LNPK: variants seen among roughly 807,000 people sequenced by gnomAD.
LNPK encodes endoplasmic reticulum junction formation protein lunapark.
In LNPK, 29 loss-of-function variants were observed where a neutral mutation model predicts 55.2. The ratio of observed to expected loss-of-function variants is 0.53; its 90% CI spans 0.39 to 0.72. The LOEUF is 0.72. Among genes scored for constraint, LNPK ranks in the 30% least tolerant of loss-of-function variants. The pLI is 0.00. For synonymous variants in LNPK, 162 were observed against 168.2 expected (o/e 0.96, Z 0.29); for missense variants, 467 against 494.8 (o/e 0.94, Z 0.53).
intron 2 of LNPK, 52 bp downstream of exon 2, chr2:175,995,506 G>A (rs1177562202): frequency 7.0e-7 from 1 of 1,435,690 alleles, no homozygotes; most frequent in East Asian, 2.3e-5. Context: ...ATAGCTTTAT[G>A]TGACACTTTT....
chr2:175,935,712 T>C (rs1684511724), intron 12 of LNPK: 2 of 923,706 alleles, frequency 2.2e-6, no homozygotes, highest in Non-Finnish European at 2.6e-6. Context: ...CATTACCTTA[T>C]TGGGGTTGGG....
chr2:175,997,015 T>C (rs1687963439), intron 1 of LNPK, among the ~76,000 whole-genome samples: 1 of 152,190 alleles, frequency 6.6e-6, no homozygotes, highest in Admixed American at 6.5e-5. Flanking sequence ...TTTTTAACCA[T>C]AAACGTAAAC....
chr2:175,940,252 C>T (rs546836145), intron 9 of LNPK, among the ~76,000 whole-genome samples: 1 of 151,702 alleles, frequency 6.6e-6, no homozygotes, highest in South Asian at 2.1e-4. Flanking sequence ...AGCAGACTCT[C>T]ACAGTTGAGG....
rs748795675 is a variant in LNPK, at chr2:175,993,230, TACAA to T, written c.28-11_28-8del. ...CTACAGTTGAAGGTTTTGTCTGTTATACAAACAGAAACAAGAGACAGCATTAAAA... is the reference window on the plus strand; with the variant it reads ...CTACAGTTGAAGGTTTTGTCTGTTATACAGAAACAAGAGACAGCATTAAAA... On this transcript the variant is annotated splice_polypyrimidine_tract_variant and splice_region_variant and intron_variant, in intron 2 of 12. Transcript: ENST00000272748. 3.3e-6 allele frequency: 5 copies of T among 1,531,208 alleles called. No homozygotes were observed. Among genetic ancestry groups the T allele is most frequent in the Non-Finnish European group, 4.4e-6 (5 of 1,127,666 alleles). The allele number at this position is 1,531,208 out of a possible 1,614,324, so 94.9% of individuals were successfully genotyped here.
At chr2:175,946,821 G>A (rs1196314871) in intron 9 of LNPK, among the ~76,000 whole-genome samples, 1 of 152,128 alleles carries the variant, frequency 6.6e-6, no homozygotes, top group Non-Finnish European at 1.5e-5. Context: ...TGCTAAAGCA[G>A]TGGACTTCCA....
chr2:175,961,079 A>C (rs1009684095), intron 8 of LNPK, among the ~76,000 whole-genome samples: 3 of 152,170 alleles, frequency 2.0e-5, no homozygotes, highest in Non-Finnish European at 4.4e-5. Flanking sequence ...CTACCAACCA[A>C]AAAAATTACA....
intron 6 of LNPK, among the ~76,000 whole-genome samples, chr2:175,967,267 A>T (rs1278382524): frequency 1.3e-5 from 2 of 152,210 alleles, no homozygotes; most frequent in Non-Finnish European, 2.9e-5. Flanking sequence ...TTATTTTAAA[A>T]GATAGAATAA....
intron 2 of LNPK, among the ~76,000 whole-genome samples, chr2:175,995,115 T>C (rs1315962049): frequency 6.6e-6 from 1 of 151,794 alleles, no homozygotes; most frequent in African/African-American, 2.4e-5. Context: ...AGAGACGGGG[T>C]TTCACCATGT....
intron 4 of LNPK, among the ~76,000 whole-genome samples, chr2:175,986,263 C>T (rs1412077844): frequency 6.6e-6 from 1 of 152,008 alleles, no homozygotes; most frequent in Non-Finnish European, 1.5e-5. Flanking sequence ...GGCCAAATAA[C>T]ATTCCACCAA....
At chr2:175,958,460 G>A (rs1472457846) in intron 8 of LNPK, among the ~76,000 whole-genome samples, 1 of 152,166 alleles carries the variant, frequency 6.6e-6, no homozygotes, top group Non-Finnish European at 1.5e-5. Flanking sequence ...AACTGCAACC[G>A]ACCTGCAGCT....
intron 1 of LNPK, among the ~76,000 whole-genome samples, chr2:175,999,471 GC>G (rs1688080615): frequency 6.6e-6 from 1 of 152,212 alleles, no homozygotes; most frequent in South Asian, 2.1e-4. Flanking sequence ...ACAGTGCTTG[GC>G]ACATAGTGAT....
At chr2:175,970,207 C>T (rs909459853) in intron 6 of LNPK, among the ~76,000 whole-genome samples, 2 of 152,116 alleles carry the variant, frequency 1.3e-5, no homozygotes, top group African/African-American at 4.8e-5. Flanking sequence ...ACTCTTGGTC[C>T]TCTTTCCAAC....
chr2:175,936,753 G>A (rs575036261), intron 12 of LNPK, among the ~76,000 whole-genome samples: 2 of 152,148 alleles, frequency 1.3e-5, no homozygotes, highest in East Asian at 1.9e-4. Context: ...AATAAATTCT[G>A]ATAAATTATT....
At chr2:175,945,525 A>AAAAAAAGATTCCATCAGCT (rs1685082435) in intron 9 of LNPK, among the ~76,000 whole-genome samples, 3 of 151,494 alleles carry the variant, frequency 2.0e-5, no homozygotes, top group African/African-American at 4.8e-5. Flanking sequence ...AAAAAAAAAA[A>AAAAAAAGATTCCATCAGCT]AAAAAGATTC....
intron 4 of LNPK, among the ~76,000 whole-genome samples, chr2:175,985,365 C>T (rs942273026): frequency 6.6e-6 from 1 of 152,184 alleles, no homozygotes; most frequent in Admixed American, 6.5e-5. Context: ...AACTGATGAA[C>T]TCTGAATAGG....
chr2:175,940,208 G>C (rs780280354), intron 9 of LNPK, among the ~76,000 whole-genome samples: 1 of 151,790 alleles, frequency 6.6e-6, no homozygotes, highest in Non-Finnish European at 1.5e-5. Context: ...GTTTCCACTC[G>C]GCAGTGAAAA....
At chr2:175,963,157 G>A (rs1221512850) in intron 8 of LNPK, among the ~76,000 whole-genome samples, 1 of 148,822 alleles carries the variant, frequency 6.7e-6, no homozygotes, top group Non-Finnish European at 1.5e-5. Flanking sequence ...CGATTCCTCA[G>A]GGATCTAGAA....
At chr2:175,942,326 G>A (rs1294373674) in intron 9 of LNPK, among the ~76,000 whole-genome samples, 1 of 152,114 alleles carries the variant, frequency 6.6e-6, no homozygotes, top group African/African-American at 2.4e-5. Context: ...AGAGATTTGA[G>A]CATCCGTGGA....
At chr2:175,951,328 G>A (rs1264746740) in intron 8 of LNPK, among the ~76,000 whole-genome samples, 1 of 151,848 alleles carries the variant, frequency 6.6e-6, no homozygotes, top group East Asian at 1.9e-4. Flanking sequence ...CACCCAAACA[G>A]TATACACTGC....
Sources: gnomAD v4.1 joint callset for allele counts (sites outside exome capture counted in the v4.1 genomes callset) on GRCh38, gnomAD v4.1.1 for gene constraint, MANE v1.5 for transcripts, NCBI Gene and HGNC (gene_info 2026-07-23, HGNC 2026-07-21) for gene names.